Variants in RNF6 observed in about 807,000 individuals in gnomAD.
RNF6 encodes E3 ubiquitin-protein ligase RNF6.
In RNF6, 21 loss-of-function variants were observed where a neutral mutation model predicts 50.1. The ratio of observed to expected loss-of-function variants is 0.42; its 90% confidence interval spans 0.30 to 0.60. The LOEUF (loss-of-function observed/expected upper bound fraction) is 0.60. Ranked by LOEUF, RNF6 falls within the 20% of genes least tolerant of loss-of-function variation. The probability of loss-of-function intolerance (pLI) is 0.20; values close to 1 mark genes in which losing one functional copy is unlikely to be tolerated. For synonymous variants in RNF6, 255 were observed against 291.8 expected, an observed-to-expected ratio of 0.87 and a Z score of 1.29; for missense variants, 698 against 838.2, an observed-to-expected ratio of 0.83 and a Z score of 2.07.
chr13:26,153,009 C>T (rs544079970), intron 5 of RNF6, among the ~76,000 whole-genome samples: 172 of 151,874 alleles, frequency 1.1e-3, no homozygotes, highest in African/African-American at 3.9e-3. Context: ...AAAAATGCGC[C>T]GGGTGTGGTG....
chr13:26,138,789 A>C (rs1870780859), intron 5 of RNF6, among the ~76,000 whole-genome samples: 1 of 152,220 alleles, frequency 6.6e-6, no homozygotes, highest in Non-Finnish European at 1.5e-5. Flanking sequence ...TGATACTAGA[A>C]TATATCTATT....
At chr13:26,196,195 G>C (rs577824684) in intron 5 of RNF6, among the ~76,000 whole-genome samples, 2 of 151,966 alleles carry the variant, frequency 1.3e-5, no homozygotes, top group East Asian at 3.9e-4. Flanking sequence ...TAAACAACAA[G>C]AGAAAAAAGT....
chr13:26,146,260 C>T (rs1008386585), intron 5 of RNF6, among the ~76,000 whole-genome samples: 1 of 152,228 alleles, frequency 6.6e-6, no homozygotes, highest in African/African-American at 2.4e-5. Context: ...GTTTGGAAGT[C>T]TGGAACAACA....
Position 26,218,552 on chromosome 13 carries a change from A to G in RNF6, c.248T>C (p.Leu83Pro), listed in dbSNP as rs764289447. Residue 83 changes from leucine to proline, a missense_variant, in exon 4 of 5, where the codon CTA becomes CCA. Leu to Pro is a moderately conservative substitution (Grantham distance 98). Transcript: ENST00000381588. ...ATCTCTCAAGTCAGGCTGAGATGCT[A>G]GTTGTTCCTTGACGCCATCTAACCG... ...QQRLDGVKEQ[L>P]ASQPDLRDGT... 11 of 1,613,814 alleles carry G rather than the reference A, an allele frequency of 6.8e-6. No individual in the cohort carries two copies. In the Admixed American group the frequency reaches 1.8e-4, roughly 27 times the overall value.
In RNF6 at chr13:26,153,851, G is replaced by A. The variant is rs9581566; in HGVS notation, n.769-21400C>T. The stretch of plus-strand genomic sequence containing the variant: ...CGATCAGGATGAACTGCGGGCCAGA[G>A]CATCTATTGCTCATCCGCGTATTTT... On this transcript the variant is annotated intron_variant and non_coding_transcript_variant, in intron 5 of 5. Transcript: ENST00000468480. 9.8e-3 allele frequency among the ~76,000 whole-genome samples: 1,486 copies of A among 152,242 alleles called. 27 individuals are homozygous for A. The highest frequency in any genetic ancestry group is 0.034 in the African/African-American group (1,416 of 41,538).
At chr13:26,132,369 G>C in exon 6 of RNF6, 1 of 445,928 alleles carries the variant, frequency 2.2e-6, no homozygotes, top group South Asian at 1.6e-5. Context: ...TTGAAATGAA[G>C]ATGAGGTGCT....
At chr13:26,216,795 A>T (rs547866798) in intron 4 of RNF6, among the ~76,000 whole-genome samples, 15 of 152,136 alleles carry the variant, frequency 9.9e-5, no homozygotes, top group Non-Finnish European at 1.8e-4. Context: ...TCTCCTAAAA[A>T]TACAAAGAAA....
At chr13:26,152,378 A>T (rs1234258519) in intron 5 of RNF6, among the ~76,000 whole-genome samples, 2 of 152,134 alleles carry the variant, frequency 1.3e-5, no homozygotes, top group African/African-American at 4.8e-5. Flanking sequence ...CCATCGGATT[A>T]CGTTTCTCCT....
At chr13:26,176,342 T>G (rs1326750233) in intron 5 of RNF6, among the ~76,000 whole-genome samples, 1 of 152,098 alleles carries the variant, frequency 6.6e-6, no homozygotes, top group Non-Finnish European at 1.5e-5. Flanking sequence ...CAGGCTGGAG[T>G]GCAATGGCAC....
At chr13:26,161,834 T>G (rs1242882430) in intron 5 of RNF6, among the ~76,000 whole-genome samples, 1 of 152,100 alleles carries the variant, frequency 6.6e-6, no homozygotes, top group Non-Finnish European at 1.5e-5. Flanking sequence ...TAGCAGAAAA[T>G]CCCATTGTGT....
At chr13:26,176,848 C>A in intron 5 of RNF6, among the ~76,000 whole-genome samples, 1 of 152,158 alleles carries the variant, frequency 6.6e-6, no homozygotes, top group East Asian at 1.9e-4. Flanking sequence ...GCAGGAGAAT[C>A]ACTTGAACCC....
chr13:26,194,206 T>C (rs1868570092), intron 5 of RNF6, among the ~76,000 whole-genome samples: 1 of 152,128 alleles, frequency 6.6e-6, no homozygotes, highest in Admixed American at 6.5e-5. Flanking sequence ...AGTGTGAGCA[T>C]CAAATTAAAT....
intron 4 of RNF6, 29 bp from the exon 5 acceptor site, chr13:26,215,621 T>A (rs765384693): frequency 2.6e-6 from 4 of 1,556,220 alleles, no homozygotes; most frequent in Non-Finnish European, 3.5e-6. Context: ...CAACTTAAGA[T>A]CAATTCCTAA....
At chr13:26,196,296 T>C (rs1175040977) in intron 5 of RNF6, among the ~76,000 whole-genome samples, 2 of 151,984 alleles carry the variant, frequency 1.3e-5, no homozygotes, top group Non-Finnish European at 2.9e-5. Context: ...GGAAAAAAAA[T>C]GTCAACCCAG....
chr13:26,132,739 C>T (rs570695971), intron 5 of RNF6, among the ~76,000 whole-genome samples: 4 of 152,140 alleles, frequency 2.6e-5, no homozygotes, highest in African/African-American at 4.8e-5. Flanking sequence ...TCACCATGAC[C>T]GTATAACATT....
At chr13:26,167,776 T>C (rs1924825) in intron 5 of RNF6, among the ~76,000 whole-genome samples, 18,588 of 152,246 alleles carry the variant, frequency 0.12, 1,446 homozygotes, top group Admixed American at 0.2. Context: ...CTATTCATAA[T>C]AGCAAAGACA....
chr13:26,222,670 A>G (rs1870635294), upstream of RNF6: 1 of 152,246 alleles, frequency 6.6e-6, no homozygotes, highest in Non-Finnish European at 1.5e-5. Context: ...GTCTATCTCT[A>G]TTTGAGACAA....
chr13:26,181,802 T>C (rs1873256779), intron 5 of RNF6, among the ~76,000 whole-genome samples: 2 of 152,240 alleles, frequency 1.3e-5, no homozygotes, highest in South Asian at 2.1e-4. Context: ...TTCTTAATTA[T>C]ACTCTGGAGC....
chr13:26,153,800 C>T (rs1871761672), intron 5 of RNF6, among the ~76,000 whole-genome samples: 1 of 152,050 alleles, frequency 6.6e-6, no homozygotes, highest in African/African-American at 2.4e-5. Flanking sequence ...ACCGAAATTG[C>T]TCCAATAATA....
Sources: allele counts gnomAD v4.1 joint callset (sites outside exome capture counted in the v4.1 genomes callset), GRCh38; gene constraint gnomAD v4.1.1; transcripts MANE v1.5; gene names NCBI Gene and HGNC (gene_info 2026-07-23, HGNC 2026-07-21).